Variants in KIAA0319L observed in about 807,000 individuals in gnomAD.
KIAA0319L encodes dyslexia-associated protein KIAA0319-like protein.
In KIAA0319L, 55 loss-of-function variants were observed where a neutral mutation model predicts 120.1. The ratio of observed to expected loss-of-function variants is 0.46; its 90% CI spans 0.37 to 0.57. The LOEUF (loss-of-function observed/expected upper bound fraction) is 0.57. Among genes scored for constraint, KIAA0319L ranks in the 20% least tolerant of loss-of-function variants. KIAA0319L has a pLI of 0.00. For synonymous variants in KIAA0319L, 398 were observed against 471.9 expected, an observed-to-expected ratio of 0.84 and a Z score of 2.03; for missense variants, 1,049 against 1,255.3, an observed-to-expected ratio of 0.84 and a Z score of 2.48.
chr1:35,501,361 T>C (rs1394428017), intron 3 of KIAA0319L, among the ~76,000 whole-genome samples: 1 of 152,210 alleles, frequency 6.6e-6, no homozygotes, highest in African/African-American at 2.4e-5. Context: ...GGAGGTATTT[T>C]CTTTGCTGCT....
intron 2 of KIAA0319L, among the ~76,000 whole-genome samples, chr1:35,541,340 T>C (rs1453392630): frequency 6.6e-6 from 1 of 150,850 alleles, no homozygotes; most frequent in African/African-American, 2.4e-5. Flanking sequence ...CTTCTTTTTT[T>C]TTTTTTTCCT....
chr1:35,534,013 G>A (rs74066349), intron 2 of KIAA0319L, among the ~76,000 whole-genome samples: 4 of 152,290 alleles, frequency 2.6e-5, no homozygotes, highest in African/African-American at 9.6e-5. Context: ...CAGGTATTAC[G>A]AAGTTTGAAA....
intron 2 of KIAA0319L, among the ~76,000 whole-genome samples, chr1:35,515,904 T>C (rs981084988): frequency 2.0e-5 from 3 of 152,044 alleles, no homozygotes; most frequent in Non-Finnish European, 4.4e-5. Flanking sequence ...AAAATAACCA[T>C]TAGAAGCTAC....
At chr1:35,532,869 C>G (rs191033014) in intron 2 of KIAA0319L, among the ~76,000 whole-genome samples, 1 of 152,148 alleles carries the variant, frequency 6.6e-6, no homozygotes, top group African/African-American at 2.4e-5. Context: ...AAAGCCAATT[C>G]CCCTCTTTCT....
At position 35,444,224 on chromosome 1, in the gene KIAA0319L, T is replaced by G. The variant is rs1489761342; in HGVS notation, c.2593A>C (p.Ser865Arg). The part of the protein sequence containing the change: ...KGHEVAAMLK[S>R]ELRKQKADFL... ...TCTGCCTTTTGCTTCCGCAGCTCAC[T>G]CTTGAGCATCGCTGCCACCTCATGG... The change falls in exon 17 of 21, where the codon AGT (serine) becomes CGT (arginine). Residue 865 changes from serine to arginine, a missense_variant. By Grantham distance (110) the Ser-to-Arg change is moderately radical. Transcript: ENST00000325722. The G allele has an allele frequency of 1.2e-6, 2 of 1,610,326 alleles. No homozygotes were observed. Among genetic ancestry groups the G allele is most frequent in the Non-Finnish European group, 1.7e-6 (2 of 1,178,498 alleles).
At chr1:35,452,081 C>T (rs568053044) in intron 12 of KIAA0319L, among the ~76,000 whole-genome samples, 1 of 152,326 alleles carries the variant, frequency 6.6e-6, no homozygotes, top group East Asian at 1.9e-4. Flanking sequence ...GTTCTCTGAG[C>T]AAGTCTCTGA....
At position 35,492,050 on chromosome 1, in the gene KIAA0319L, G is replaced by C. The variant is rs563135665; in HGVS notation, c.667-12838C>G. Among the ~76,000 whole-genome samples, 49 of 152,122 alleles carry C rather than the reference G, an allele frequency of 3.2e-4. 1 individual carries two copies. Among genetic ancestry groups the C allele is most frequent in the Middle Eastern group, 3.4e-3 (1 of 294 alleles). On this transcript the variant is annotated intron_variant, in intron 3 of 20. Coordinates refer to ENST00000325722, the MANE Select transcript of KIAA0319L (RefSeq NM_024874.5). ...AATTCGAAGTACAGATGGTTCACTG[G>C]AGAATTATATTTAACATTTAAGGAA...
intron 9 of KIAA0319L, among the ~76,000 whole-genome samples, chr1:35,456,952 G>GAAGT (rs1642512959): frequency 6.6e-6 from 1 of 150,904 alleles, no homozygotes; most frequent in South Asian, 2.1e-4. Context: ...AGGAAGGAAG[G>GAAGT]AAGGAAGGAA....
At chr1:35,501,729 T>A (rs1466595307) in intron 3 of KIAA0319L, among the ~76,000 whole-genome samples, 1 of 151,770 alleles carries the variant, frequency 6.6e-6, no homozygotes, top group African/African-American at 2.4e-5. Flanking sequence ...ATACAAAAAA[T>A]TAGCTGGGCG....
chr1:35,449,931 G>A lies in KIAA0319L; in HGVS notation c.2289C>T (p.His763=), dbSNP rs1430378713. 3.1e-6 allele frequency: 5 copies of A among 1,613,984 alleles called. No individual in the cohort carries two copies. Among genetic ancestry groups the A allele is most frequent in the Middle Eastern group, 3.3e-4 (2 of 6,084 alleles). Residue 763 remains histidine (H), a synonymous_variant, in exon 15 of 21, where the codon CAC becomes CAT. Transcript: ENST00000325722. ...CACCCTTTGCATCGGTCACTTTCAG[G>A]TGAAAAGTGTAGGTTCCCTCAACCA... ...SNLVEGTYTF[H]LKVTDAKGES...
intron 2 of KIAA0319L, among the ~76,000 whole-genome samples, chr1:35,513,349 T>TGGGAGTGAG (rs1645553374): frequency 6.9e-6 from 1 of 144,838 alleles, no homozygotes; most frequent in South Asian, 2.2e-4. Flanking sequence ...ACATGATGGC[T>TGGGAGTGAG]CACTCCCATA....
intron 9 of KIAA0319L, among the ~76,000 whole-genome samples, chr1:35,459,490 G>A (rs181924041): frequency 2.2e-4 from 33 of 151,994 alleles, no homozygotes; most frequent in African/African-American, 6.3e-4. Flanking sequence ...CCAGCTACTC[G>A]GGAGGCTGAG....
At chr1:35,541,169 T>C (rs1275804175) in intron 2 of KIAA0319L, among the ~76,000 whole-genome samples, 1 of 151,964 alleles carries the variant, frequency 6.6e-6, no homozygotes, top group Non-Finnish European at 1.5e-5. Flanking sequence ...CTCAAACTTC[T>C]GGCCTCAAAC....
chr1:35,504,087 T>C (rs957181260), intron 3 of KIAA0319L, among the ~76,000 whole-genome samples: 3 of 151,898 alleles, frequency 2.0e-5, no homozygotes, highest in Admixed American at 1.3e-4. Context: ...GGTTTCACCA[T>C]GTTGGCCAGG....
At chr1:35,479,807 G>A (rs1168595450) in intron 3 of KIAA0319L, among the ~76,000 whole-genome samples, 2 of 151,948 alleles carry the variant, frequency 1.3e-5, no homozygotes, top group Non-Finnish European at 2.9e-5. Context: ...GGAGGCTGAG[G>A]TGGGAGAATC....
chr1:35,510,256 T>C (rs1645375771), intron 2 of KIAA0319L: 1 of 152,196 alleles, frequency 6.6e-6, no homozygotes, highest in Admixed American at 6.5e-5. Context: ...GGCGAGCAAC[T>C]TTACAGATGT....
intron 2 of KIAA0319L, among the ~76,000 whole-genome samples, chr1:35,553,894 A>C (rs138856403): frequency 6.6e-6 from 1 of 152,212 alleles, no homozygotes; most frequent in South Asian, 2.1e-4. Context: ...CATTTTTCCC[A>C]TAAGTGTAGA....
At chr1:35,444,495 T>C (rs3738691) in intron 16 of KIAA0319L, among the ~76,000 whole-genome samples, 192 bp from the exon 17 acceptor site, 4,056 of 152,258 alleles carry the variant, frequency 0.027, 220 homozygotes, top group East Asian at 0.24. Flanking sequence ...TGGGGCTTTG[T>C]AAGAGGGGTT....
chr1:35,478,090 C>A (rs1237511207), intron 4 of KIAA0319L, among the ~76,000 whole-genome samples: 1 of 152,156 alleles, frequency 6.6e-6, no homozygotes, highest in East Asian at 1.9e-4. Context: ...GAAATTTTGT[C>A]ATTTCCAACA....
Sources: gnomAD v4.1 joint callset for allele counts (sites outside exome capture counted in the v4.1 genomes callset) on GRCh38, gnomAD v4.1.1 for gene constraint, MANE v1.5 for transcripts, NCBI Gene and HGNC (gene_info 2026-07-23, HGNC 2026-07-21) for gene names.